The following NTNG1 variants were observed in gnomAD, a reference collection of about 807,000 sequenced individuals.
The protein encoded by NTNG1 is netrin-G1.
Under a neutral mutation model 54.0 loss-of-function variants are expected in NTNG1, and 16 were observed. The observed-to-expected ratio is 0.30, with a 90% confidence interval of 0.20 to 0.45. The LOEUF (loss-of-function observed/expected upper bound fraction) is 0.45, where lower values mean the gene tolerates loss of function less well. Ranked by LOEUF, NTNG1 falls within the 20% of genes least tolerant of loss-of-function variation. The pLI is 1.00. For missense variants in NTNG1, 530 were observed against 678.7 expected, an observed-to-expected ratio of 0.78 and a Z score of 2.43; for synonymous variants, 255 against 263.1, an observed-to-expected ratio of 0.97 and a Z score of 0.30.
At chr1:107,208,256 C>T (rs566584024) in intron 2 of NTNG1, among the ~76,000 whole-genome samples, 3 of 151,878 alleles carry the variant, frequency 2.0e-5, no homozygotes, top group Admixed American at 6.6e-5. Flanking sequence ...ATGGAGAAAC[C>T]CCCGTCTCTA....
intron 2 of NTNG1, among the ~76,000 whole-genome samples, chr1:107,167,836 T>C (rs1213054722): frequency 6.6e-6 from 1 of 151,990 alleles, no homozygotes; most frequent in African/African-American, 2.4e-5. Flanking sequence ...TTTTCATGTG[T>C]ATATTGTTTG....
At chr1:107,395,049 TA>T in intron 3 of NTNG1, 104 bp from the exon 4 acceptor site, 4 of 838,756 alleles carry the variant, frequency 4.8e-6, no homozygotes, top group Non-Finnish European at 7.8e-6. Context: ...TGCCTCTGTG[TA>T]TCACTAAAGC....
intron 7 of NTNG1, among the ~76,000 whole-genome samples, chr1:107,450,567 C>T (rs1676562664): frequency 6.6e-6 from 1 of 151,904 alleles, no homozygotes; most frequent in African/African-American, 2.4e-5. Context: ...CTATGATAAT[C>T]ATGGCTCCTT....
intron 3 of NTNG1, among the ~76,000 whole-genome samples, chr1:107,361,103 A>G (rs12037631): frequency 0.096 from 14,066 of 145,866 alleles, 838 homozygotes; most frequent in Admixed American, 0.18. Flanking sequence ...TTGAAAAAAT[A>G]TATATAATAT....
intron 2 of NTNG1, among the ~76,000 whole-genome samples, chr1:107,286,763 G>A (rs1324240809): frequency 6.6e-6 from 1 of 152,010 alleles, no homozygotes; most frequent in Non-Finnish European, 1.5e-5. Context: ...TTACATAAAA[G>A]GGCTTACAAA....
chr1:107,457,825 T>C (rs1460064691), intron 7 of NTNG1, among the ~76,000 whole-genome samples: 2 of 152,076 alleles, frequency 1.3e-5, no homozygotes, highest in Non-Finnish European at 2.9e-5. Flanking sequence ...TGCCGTAACA[T>C]CTAAGAAAAA....
chr1:107,461,003 C>A (rs1290960540), intron 7 of NTNG1, among the ~76,000 whole-genome samples: 1 of 152,206 alleles, frequency 6.6e-6, no homozygotes, highest in African/African-American at 2.4e-5. Context: ...TCCATTATCC[C>A]TGGCCTATTT....
chr1:107,351,241 G>A (rs982544983), intron 3 of NTNG1, among the ~76,000 whole-genome samples: 4 of 152,126 alleles, frequency 2.6e-5, no homozygotes, highest in African/African-American at 7.2e-5. Flanking sequence ...TAAAGTCCAT[G>A]ACCCACCTGG....
intron 7 of NTNG1, among the ~76,000 whole-genome samples, chr1:107,453,259 A>G (rs752903885): frequency 1.4e-4 from 22 of 152,180 alleles, no homozygotes; most frequent in Non-Finnish European, 2.5e-4. Context: ...AGGAAGTCTT[A>G]TACTTCTTTT....
chr1:107,193,231 A>C (rs1047664639), intron 2 of NTNG1, among the ~76,000 whole-genome samples: 1 of 151,830 alleles, frequency 6.6e-6, no homozygotes, highest in Non-Finnish European at 1.5e-5. Flanking sequence ...CAATACTCTC[A>C]TATTTTTTGC....
At chr1:107,314,832 G>A in intron 2 of NTNG1, among the ~76,000 whole-genome samples, 1 of 152,196 alleles carries the variant, frequency 6.6e-6, no homozygotes, top group Non-Finnish European at 1.5e-5. Context: ...AATTTAGCAA[G>A]TAATAACTTA....
At chr1:107,200,887 C>T (rs549201778) in intron 2 of NTNG1, among the ~76,000 whole-genome samples, 1 of 151,902 alleles carries the variant, frequency 6.6e-6, no homozygotes, top group African/African-American at 2.4e-5. Context: ...AGCTATGACT[C>T]AGTTCTTTTC....
intron 2 of NTNG1, among the ~76,000 whole-genome samples, chr1:107,194,543 C>T (rs1362429299): frequency 1.3e-5 from 2 of 151,978 alleles, no homozygotes; most frequent in Admixed American, 6.6e-5. Context: ...GCCCCAGTTA[C>T]TGGTCACATA....
intron 3 of NTNG1, among the ~76,000 whole-genome samples, chr1:107,371,171 T>C (rs1232691624): frequency 6.6e-6 from 1 of 152,062 alleles, no homozygotes; most frequent in Non-Finnish European, 1.5e-5. Flanking sequence ...TTATCAGAAA[T>C]GGATGTTGAG....
In NTNG1 at chr1:107,379,476, T is replaced by G. The variant is rs148797967; in HGVS notation, c.888-15678T>G. ...ACACAATTCATGAGAGATAAAAACA[T>G]GAATGGTATTAGTCATATCCTAAGC... On this transcript the variant is annotated intron_variant, in intron 3 of 7. Transcript: ENST00000370068. 4.6e-5 allele frequency among the ~76,000 whole-genome samples: 7 copies of G among 152,228 alleles called. No homozygotes were observed. The East Asian group carries it at 1.4e-3, about 29-fold the overall frequency.
chr1:107,150,704 T>C (rs1654497899), intron 2 of NTNG1, among the ~76,000 whole-genome samples: 1 of 152,224 alleles, frequency 6.6e-6, no homozygotes, highest in Non-Finnish European at 1.5e-5. Context: ...CAGAGAATGC[T>C]TGCTTAGCAC....
intron 2 of NTNG1, among the ~76,000 whole-genome samples, chr1:107,307,312 A>T (rs1042304583): frequency 5.3e-5 from 8 of 152,198 alleles, no homozygotes; most frequent in Non-Finnish European, 8.8e-5. Context: ...TAGGTGACAC[A>T]CTGGACCCTA....
At chr1:107,157,811 A>C (rs1655111943) in intron 2 of NTNG1, among the ~76,000 whole-genome samples, 1 of 152,086 alleles carries the variant, frequency 6.6e-6, no homozygotes, top group South Asian at 2.1e-4. Flanking sequence ...ATTAATACTT[A>C]TTTATATATA....
At chr1:107,458,417 G>T (rs1031075494) in intron 7 of NTNG1, among the ~76,000 whole-genome samples, 1 of 152,002 alleles carries the variant, frequency 6.6e-6, no homozygotes, top group African/African-American at 2.4e-5. Flanking sequence ...AAACTGAGAG[G>T]CAAAATTATT....
Sources: gnomAD v4.1 joint callset for allele counts (sites outside exome capture counted in the v4.1 genomes callset) on GRCh38, gnomAD v4.1.1 for gene constraint, MANE v1.5 for transcripts, NCBI Gene and HGNC (gene_info 2026-07-23, HGNC 2026-07-21) for gene names.